CLCN3: variants seen among roughly 807,000 people sequenced by gnomAD.
CLCN3 encodes H(+)/Cl(-) exchange transporter 3.
Under a neutral mutation model 83.4 loss-of-function variants are expected in CLCN3, and 16 were observed. That is an observed-to-expected ratio of 0.19 (90% CI 0.13 to 0.29). The LOEUF (loss-of-function observed/expected upper bound fraction) is 0.29. Ranked by LOEUF, CLCN3 falls within the 10% of genes least tolerant of loss-of-function variation. The pLI is 1.00. For synonymous variants in CLCN3, 322 were observed against 346.2 expected (o/e 0.93, Z 0.78); for missense variants, 544 against 1,006.0 (o/e 0.54, Z 6.21).
chr4:169,644,217 T>A (rs1232279302), intron 2 of CLCN3, among the ~76,000 whole-genome samples: 1 of 152,184 alleles, frequency 6.6e-6, no homozygotes, highest in Non-Finnish European at 1.5e-5. Context: ...AACAGGCTTT[T>A]GTTTTCTGCA....
chr4:169,691,046 T>C (rs1236168329), intron 6 of CLCN3, among the ~76,000 whole-genome samples: 2 of 152,156 alleles, frequency 1.3e-5, no homozygotes, highest in East Asian at 3.8e-4. Flanking sequence ...TCGCCCAGAC[T>C]GGAGTGCAGT....
intron 2 of CLCN3, chr4:169,660,217 C>T: frequency 8.3e-7 from 1 of 1,205,402 alleles, no homozygotes; most frequent in Non-Finnish European, 1.0e-6. Context: ...TGGAAGAACC[C>T]AGTTGCTTCA....
Position 169,689,098 on chromosome 4 carries a change from G to A in CLCN3, c.474G>A (p.Glu158=). The change falls in exon 5 of 13, where the codon GAG becomes GAA. Residue 158 remains glutamate, a synonymous_variant. Coordinates refer to ENST00000513761, the MANE Select transcript of CLCN3 (RefSeq NM_001829.4). ...CCGATTGGATGACTGACCTAAAGGA[G>A]GGCATTTGCCTTAGTGCGTTGTGGT... The part of the protein sequence containing the change: ...IAADWMTDLK[E]GICLSALWYN... The A allele has an allele frequency of 6.2e-7, 1 of 1,613,602 alleles. No homozygotes were observed. Among genetic ancestry groups the A allele is most frequent in the East Asian group, 2.2e-5 (1 of 44,838 alleles).
At chr4:169,718,281 G>A (rs934651703) in intron 12 of CLCN3, among the ~76,000 whole-genome samples, 39 of 149,592 alleles carry the variant, frequency 2.6e-4, no homozygotes, top group African/African-American at 8.8e-4. Flanking sequence ...AATGTTTCCC[G>A]ATCTTGTGGT....
chr4:169,690,512 G>A lies in CLCN3; in HGVS notation c.607-18G>A, dbSNP rs773517357. The A allele has an allele frequency of 1.0e-5, 16 of 1,600,074 alleles. No homozygotes were observed. Among genetic ancestry groups the A allele is most frequent in the African/African-American group, 5.4e-5 (4 of 73,858 alleles). On this transcript the variant is annotated intron_variant, in intron 5 of 12. Transcript: ENST00000513761. ...CAATGTAAATTAAATTCATACTCTC[G>A]AACTATTTTCTTTTTAGGGTCCTGG...
At chr4:169,711,966 G>C (rs1733234632) in intron 11 of CLCN3, among the ~76,000 whole-genome samples, 1 of 151,454 alleles carries the variant, frequency 6.6e-6, no homozygotes, top group African/African-American at 2.4e-5. Context: ...CCGGGCTCAA[G>C]TGATCTTTCC....
At chr4:169,719,725 A>T (rs1182560961) in intron 12 of CLCN3, among the ~76,000 whole-genome samples, 182 bp from the exon 13 acceptor site, 1 of 152,140 alleles carries the variant, frequency 6.6e-6, no homozygotes, top group Non-Finnish European at 1.5e-5. Flanking sequence ...GTAACTTTTT[A>T]TACCAAAGGA....
At chr4:169,663,538 C>G in intron 2 of CLCN3, 1 of 317,060 alleles carries the variant, frequency 3.2e-6, no homozygotes. Context: ...GAGAGTCTCA[C>G]TATGTTGTCC....
chr4:169,637,615 T>A (rs939061982), intron 2 of CLCN3, among the ~76,000 whole-genome samples: 4 of 147,630 alleles, frequency 2.7e-5, no homozygotes, highest in Non-Finnish European at 6.0e-5. Flanking sequence ...CAACAAAAAC[T>A]TTTTCTTTTC....
At chr4:169,663,658 T>A in intron 2 of CLCN3, 1 of 425,220 alleles carries the variant, frequency 2.4e-6, no homozygotes, top group Non-Finnish European at 4.7e-6. Context: ...GTGCTTTATG[T>A]GTATGAAATT....
At chr4:169,714,847 G>T (rs1282354874) in intron 12 of CLCN3, among the ~76,000 whole-genome samples, 1 of 152,120 alleles carries the variant, frequency 6.6e-6, no homozygotes, top group Admixed American at 6.5e-5. Flanking sequence ...TTGGAGAAGA[G>T]ATGTATTCAT....
chr4:169,687,908 A>G, intron 4 of CLCN3, 151 bp downstream of exon 4: 1 of 521,484 alleles, frequency 1.9e-6, no homozygotes, highest in South Asian at 3.0e-5. Flanking sequence ...TAAGACTAGG[A>G]GGCAGAGGCT....
chr4:169,676,018 G>C (rs1731662232), intron 2 of CLCN3, among the ~76,000 whole-genome samples: 2 of 152,090 alleles, frequency 1.3e-5, no homozygotes, highest in Non-Finnish European at 2.9e-5. Flanking sequence ...TTCATTTTCT[G>C]CTTTTGACAA....
chr4:169,672,952 C>G (rs539682321), intron 2 of CLCN3, among the ~76,000 whole-genome samples: 3 of 152,230 alleles, frequency 2.0e-5, no homozygotes, highest in Middle Eastern at 3.4e-3. Flanking sequence ...CGGGAGCCAC[C>G]GCGCCCGGCT....
chr4:169,691,152 C>CCA (rs1732356316), intron 6 of CLCN3, among the ~76,000 whole-genome samples: 1 of 151,992 alleles, frequency 6.6e-6, no homozygotes, highest in South Asian at 2.1e-4. Flanking sequence ...GCACCTGTCA[C>CCA]CATGCCCTGC....
intron 10 of CLCN3, among the ~76,000 whole-genome samples, chr4:169,706,151 C>G (rs763998915): frequency 1.1e-4 from 16 of 152,046 alleles, no homozygotes; most frequent in Non-Finnish European, 2.1e-4. Context: ...ACCTCAGCCT[C>G]CCAAGTAGCT....
intron 2 of CLCN3, among the ~76,000 whole-genome samples, chr4:169,649,389 TAAG>T (rs1180788278): frequency 6.6e-6 from 1 of 152,230 alleles, no homozygotes; most frequent in African/African-American, 2.4e-5. Context: ...CTTTGTAATT[TAAG>T]AAGATCATTC....
At chr4:169,686,863 A>G (rs1312275919) in intron 3 of CLCN3, among the ~76,000 whole-genome samples, 1 of 152,158 alleles carries the variant, frequency 6.6e-6, no homozygotes, top group Non-Finnish European at 1.5e-5. Context: ...GATCAAATCT[A>G]TTACTCTTAT....
At chr4:169,652,037 G>C (rs1206675994) in intron 2 of CLCN3, among the ~76,000 whole-genome samples, 1 of 152,138 alleles carries the variant, frequency 6.6e-6, no homozygotes, top group Non-Finnish European at 1.5e-5. Flanking sequence ...TTAACTTAAA[G>C]ACTTTTGAAT....
Sources: gnomAD v4.1 joint callset for allele counts (sites outside exome capture counted in the v4.1 genomes callset) on GRCh38, gnomAD v4.1.1 for gene constraint, MANE v1.5 for transcripts, NCBI Gene and HGNC (gene_info 2026-07-23, HGNC 2026-07-21) for gene names.